The following ATP13A3 variants were observed in gnomAD, a reference collection of about 807,000 sequenced individuals.
The protein encoded by ATP13A3 is ATPase 13A3.
Under a neutral mutation model 158.1 loss-of-function variants are expected in ATP13A3, and 59 were observed. That is an observed-to-expected ratio of 0.37 (90% confidence interval 0.30 to 0.46). The LOEUF (loss-of-function observed/expected upper bound fraction) is 0.46, where lower values mean the gene tolerates loss of function less well. ATP13A3 is among the 20% of genes least tolerant of loss of function. The pLI is 1.00. For synonymous variants in ATP13A3, 491 were observed against 504.3 expected (o/e 0.97, Z 0.35); for missense variants, 1,166 against 1,525.2 (o/e 0.76, Z 3.92).
intron 2 of ATP13A3, among the ~76,000 whole-genome samples, chr3:194,465,584 T>C (rs1719940734): frequency 6.6e-6 from 1 of 152,174 alleles, no homozygotes; most frequent in African/African-American, 2.4e-5. Flanking sequence ...TTGCTTTAGT[T>C]AGCGGGATAA....
upstream of ATP13A3, among the ~76,000 whole-genome samples, chr3:194,489,660 G>A (rs1163040956): frequency 6.6e-6 from 1 of 152,098 alleles, no homozygotes; most frequent in Non-Finnish European, 1.5e-5. The surrounding 1 kb of genome is among the most constrained non-coding windows in gnomAD (Gnocchi z 4.1). Flanking sequence ...CCCAGAATTC[G>A]AGGTGCAGCC....
At chr3:194,406,287 G>A (rs1451568080) in intron 33 of ATP13A3, among the ~76,000 whole-genome samples, 171 bp from the exon 34 acceptor site, 2 of 152,068 alleles carry the variant, frequency 1.3e-5, no homozygotes, top group Non-Finnish European at 1.5e-5. Context: ...AGCTTTGGCC[G>A]GGCGTGGTGG....
intron 29 of ATP13A3, among the ~76,000 whole-genome samples, chr3:194,426,169 T>C (rs1014760702): frequency 1.3e-5 from 2 of 151,940 alleles, no homozygotes; most frequent in African/African-American, 2.4e-5. Context: ...ATGGGAAGAT[T>C]CTCAAGAAAA....
intron 2 of ATP13A3, among the ~76,000 whole-genome samples, chr3:194,481,405 T>C (rs1720743450): frequency 1.3e-5 from 2 of 152,040 alleles, no homozygotes; most frequent in South Asian, 4.1e-4. Flanking sequence ...TGCAAAAGTT[T>C]TGAGATGTGC....
intron 9 of ATP13A3, 102 bp from the exon 10 acceptor site, chr3:194,453,880 C>A (rs1276997246): frequency 2.8e-5 from 22 of 797,000 alleles, no homozygotes; most frequent in Non-Finnish European, 4.0e-5. Flanking sequence ...AAATGCATAT[C>A]ACTCCATCTT....
At chr3:194,437,019 A>T in intron 20 of ATP13A3, 76 bp downstream of exon 20, 1 of 1,477,206 alleles carries the variant, frequency 6.8e-7, no homozygotes, top group Middle Eastern at 1.8e-4. Flanking sequence ...ACTCAATTAC[A>T]TGCAAATTAC....
chr3:194,429,983 C>T lies in ATP13A3; in HGVS notation c.2777+89G>A. 5 of 1,237,422 alleles carry T rather than the reference C, an allele frequency of 4.0e-6. No homozygotes were observed. The South Asian group carries it at 7.2e-5, about 18-fold the overall frequency. 76.7% of individuals were successfully genotyped at this position (1,237,422 alleles called of 1,614,324 possible). On this transcript the variant is annotated intron_variant, in intron 26 of 33. Coordinates refer to ENST00000645319, the MANE Select transcript of ATP13A3 (RefSeq NM_001367549.1). Reference sequence around the variant, plus strand: ...AATGTGCTAATCTGCTAATATTAAACAAATTCATGTTACTTTTTATGATAA... The same window carrying T: ...AATGTGCTAATCTGCTAATATTAAATAAATTCATGTTACTTTTTATGATAA...
Position 194,403,918 on chromosome 3 carries a change from G to T in ATP13A3, c.*2001C>A, listed in dbSNP as rs896150381. The T allele has an allele frequency of 5.1e-5, 5 of 98,880 alleles. No individual in the cohort carries two copies. The highest frequency in any genetic ancestry group is 4.0e-4 in the African/African-American group (2 of 5,006). 6.1% of individuals were successfully genotyped at this position (98,880 alleles called of 1,614,324 possible). On this transcript the variant is annotated 3_prime_UTR_variant, in exon 34 of 34. Coordinates refer to ENST00000645319, the MANE Select transcript of ATP13A3 (RefSeq NM_001367549.1). ...TACTAACTCTAAATGTTAAAAAAGT[G>T]GGGGGGGGGTGTCAAAAATAGCTCT...
rs1422416088 is a variant in ATP13A3, at chr3:194,404,133, ATAAG to A, written c.*1782_*1785del. On this transcript the variant is annotated 3_prime_UTR_variant, in exon 34 of 34. Coordinates refer to ENST00000645319, the MANE Select transcript of ATP13A3 (RefSeq NM_001367549.1). ...TGGAAATTATAAAATGATCCAGAGA[ATAAG>A]TAACTATAGAAAATAGTGCTAATTC... 6.7e-6 allele frequency: 3 copies of A among 450,284 alleles called. No individual in the cohort carries two copies. Among genetic ancestry groups the A allele is most frequent in the South Asian group, 4.8e-5 (3 of 63,144 alleles). 27.9% of individuals were successfully genotyped at this position (450,284 alleles called of 1,614,324 possible).
chr3:194,409,296 A>G (rs1014256088), intron 33 of ATP13A3, among the ~76,000 whole-genome samples: 7 of 152,250 alleles, frequency 4.6e-5, no homozygotes, highest in African/African-American at 1.7e-4. Flanking sequence ...AATCCTGAAT[A>G]TAAAACAAAC....
chr3:194,473,318 T>G (rs564368466), intron 2 of ATP13A3, among the ~76,000 whole-genome samples: 4 of 152,290 alleles, frequency 2.6e-5, no homozygotes, highest in Non-Finnish European at 5.9e-5. Flanking sequence ...ACAGCTATAT[T>G]AATACTCCCT....
intron 31 of ATP13A3, among the ~76,000 whole-genome samples, chr3:194,414,857 G>A (rs1426064368): frequency 6.6e-6 from 1 of 152,222 alleles, no homozygotes; most frequent in Non-Finnish European, 1.5e-5. Flanking sequence ...GAACACCCAA[G>A]TAACAGTCAA....
intron 6 of ATP13A3, 138 bp from the exon 7 acceptor site, chr3:194,457,312 A>G: frequency 1.7e-6 from 1 of 596,278 alleles, no homozygotes; most frequent in Non-Finnish European, 3.0e-6. Context: ...AAAAATTGAG[A>G]TAACAAATGA....
intron 11 of ATP13A3, 102 bp downstream of exon 11, chr3:194,450,043 T>G: frequency 8.1e-7 from 1 of 1,230,894 alleles, no homozygotes; most frequent in Non-Finnish European, 1.1e-6. Flanking sequence ...TATTCATGAG[T>G]AAAGGTACAA....
At chr3:194,422,584 G>C (rs1014553578) in intron 30 of ATP13A3, among the ~76,000 whole-genome samples, 5 of 152,098 alleles carry the variant, frequency 3.3e-5, no homozygotes, top group African/African-American at 1.2e-4. Flanking sequence ...AAAGTATATA[G>C]CAACATGTAA....
chr3:194,487,461 C>G (rs561185626), upstream of ATP13A3: 1 of 152,514 alleles, frequency 6.6e-6, no homozygotes, highest in African/African-American at 2.4e-5. Context: ...TTTAGCCACC[C>G]TCGCCCCCGC....
chr3:194,469,892 C>G (rs751035502), intron 2 of ATP13A3, among the ~76,000 whole-genome samples: 1 of 152,106 alleles, frequency 6.6e-6, no homozygotes, highest in Non-Finnish European at 1.5e-5. Flanking sequence ...TGCCCCAATA[C>G]GTTTAAAGCC....
chr3:194,444,895 T>A (rs1718293831), intron 14 of ATP13A3, 109 bp from the exon 15 acceptor site: 2 of 784,718 alleles, frequency 2.5e-6, no homozygotes, highest in Admixed American at 2.8e-5. Context: ...ATGCTACATA[T>A]AACATAATGG....
At chr3:194,454,523 T>C (rs1356615107) in intron 8 of ATP13A3, 131 bp from the exon 9 acceptor site, 2 of 1,047,900 alleles carry the variant, frequency 1.9e-6, no homozygotes, top group African/African-American at 1.6e-5. Context: ...TACGGCAAAA[T>C]GTACTTCCCT....
Sources: allele counts gnomAD v4.1 joint callset (sites outside exome capture counted in the v4.1 genomes callset), GRCh38; gene constraint gnomAD v4.1.1; non-coding constraint Gnocchi (gnomAD v3.1); transcripts MANE v1.5; gene names NCBI Gene and HGNC (gene_info 2026-07-23, HGNC 2026-07-21).